The following PRELID2 variants were observed in gnomAD, a reference collection of about 807,000 sequenced individuals.
PRELID2 encodes the protein PRELI domain-containing protein 2.
A neutral mutation model predicts 28.4 loss-of-function variants in PRELID2; 25 were observed. That is an observed-to-expected ratio of 0.88 (90% confidence interval 0.64 to 1.23). PRELID2 has a LOEUF of 1.23. Ranked by LOEUF, PRELID2 falls within the 50% of genes most tolerant of loss-of-function variation. PRELID2 has a pLI of 0.00. For missense variants in PRELID2, 201 were observed against 214.4 expected (o/e 0.94, Z 0.39); for synonymous variants, 76 against 71.6 (o/e 1.06, Z -0.31).
At chr5:145,645,338 C>CTTTTTTTTTTTTTTT (rs35732947) in intron 1 of PRELID2, among the ~76,000 whole-genome samples, 1 of 47,860 alleles carries the variant, frequency 2.1e-5, no homozygotes, top group African/African-American at 1.2e-4. Flanking sequence ...GCAACTCCTG[C>CTTTTTTTTTTTTTTT]TTTTTTTTTT....
At chr5:145,339,090 T>C in the PRELID2 span, among the ~76,000 whole-genome samples, 1 of 152,272 alleles carries the variant, frequency 6.6e-6, no homozygotes. Flanking sequence ...AGAAGAGGCA[T>C]TTTAAAGTGA....
At chr5:145,537,042 A>T (rs1752705621) in intron 1 of PRELID2, among the ~76,000 whole-genome samples, 1 of 151,954 alleles carries the variant, frequency 6.6e-6, no homozygotes, top group South Asian at 2.1e-4. Flanking sequence ...AACAAAGAGA[A>T]GTTTAAAAAT....
chr5:145,642,018 G>C (rs147411899), intron 1 of PRELID2, among the ~76,000 whole-genome samples: 203 of 152,224 alleles, frequency 1.3e-3, no homozygotes, highest in African/African-American at 4.7e-3. Context: ...AAAATCCTTT[G>C]GGTATATATT....
At chr5:145,794,375 G>A (rs1004870919) in intron 5 of PRELID2, among the ~76,000 whole-genome samples, 4 of 152,162 alleles carry the variant, frequency 2.6e-5, no homozygotes, top group Admixed American at 1.3e-4. Context: ...TCCAAAGGGA[G>A]TAAGACCACA....
Position 145,765,099 on chromosome 5 carries a change from C to T in PRELID2, c.475-99G>A, listed in dbSNP as rs1757668090. On this transcript the variant is annotated intron_variant, in intron 5 of 6. Coordinates refer to ENST00000683046, the MANE Select transcript of PRELID2 (RefSeq NM_205846.3). ...TCCCTTCAAAGAATCCAGGTCATGG[C>T]CATATATTCATTTCAACAAAGTAGG... The T allele has an allele frequency of 3.8e-6, 3 of 781,120 alleles. No individual in the cohort carries two copies. The Middle Eastern group carries it at 8.5e-4, about 221-fold the overall frequency. 48.4% of individuals were successfully genotyped at this position (781,120 alleles called of 1,614,324 possible).
the PRELID2 span, among the ~76,000 whole-genome samples, chr5:145,390,929 G>T: frequency 6.6e-6 from 1 of 152,166 alleles, no homozygotes; most frequent in African/African-American, 2.4e-5. Flanking sequence ...AAATCCAATA[G>T]GGCAGCCTTA....
At chr5:145,658,021 G>A (rs994974787) in intron 1 of PRELID2, among the ~76,000 whole-genome samples, 2 of 152,100 alleles carry the variant, frequency 1.3e-5, no homozygotes, top group Admixed American at 1.3e-4. Context: ...AAATCACACA[G>A]TCAGTGTGCT....
intron 1 of PRELID2, among the ~76,000 whole-genome samples, chr5:145,610,650 G>C (rs1405094957): frequency 6.6e-6 from 1 of 152,118 alleles, no homozygotes; most frequent in Admixed American, 6.5e-5. Flanking sequence ...GTACCTAGAT[G>C]TAAAGTGCTG....
the PRELID2 span, among the ~76,000 whole-genome samples, chr5:145,422,537 CAG>C: frequency 6.6e-6 from 1 of 152,018 alleles, no homozygotes; most frequent in African/African-American, 2.4e-5. Flanking sequence ...TCTGTTTTAT[CAG>C]AGACTAGGAT....
the PRELID2 span, among the ~76,000 whole-genome samples, chr5:145,466,440 G>T: frequency 2.0e-5 from 3 of 152,108 alleles, no homozygotes; most frequent in Admixed American, 6.6e-5. Context: ...TTTAAATTAT[G>T]TGCTGGTAAT....
intron 5 of PRELID2, among the ~76,000 whole-genome samples, chr5:145,784,306 G>C (rs1751845638): frequency 6.6e-6 from 1 of 151,502 alleles, no homozygotes; most frequent in Non-Finnish European, 1.5e-5. Context: ...ACTAGTTAAT[G>C]GCAGAATCAT....
At chr5:145,240,077 T>C in the PRELID2 span, among the ~76,000 whole-genome samples, 1 of 152,004 alleles carries the variant, frequency 6.6e-6, no homozygotes, top group East Asian at 1.9e-4. Flanking sequence ...GATAATAGGA[T>C]GAATGAGCAT....
intron 1 of PRELID2, among the ~76,000 whole-genome samples, chr5:145,497,248 T>C (rs1301828369): frequency 6.6e-6 from 1 of 152,210 alleles, no homozygotes; most frequent in African/African-American, 2.4e-5. Flanking sequence ...TCCACTGTGC[T>C]TTTGTAGTAC....
At chr5:145,310,688 T>C in the PRELID2 span, among the ~76,000 whole-genome samples, 5 of 152,298 alleles carry the variant, frequency 3.3e-5, no homozygotes, top group African/African-American at 1.2e-4. Context: ...TTGGTACATA[T>C]CCTCTTATTC....
At chr5:145,252,317 C>A in the PRELID2 span, among the ~76,000 whole-genome samples, 1 of 152,236 alleles carries the variant, frequency 6.6e-6, no homozygotes, top group South Asian at 2.1e-4. Context: ...CGAAAATCTG[C>A]ATAAATAACA....
chr5:145,391,731 C>A, the PRELID2 span, among the ~76,000 whole-genome samples: 3 of 149,392 alleles, frequency 2.0e-5, no homozygotes, highest in African/African-American at 7.4e-5. Context: ...ATTTTTCAAA[C>A]CTTTATGCTC....
chr5:145,420,633 C>G, the PRELID2 span, among the ~76,000 whole-genome samples: 1 of 110,022 alleles, frequency 9.1e-6, no homozygotes, highest in Non-Finnish European at 1.9e-5. Context: ...AGATTTTGGG[C>G]TGAGACAATG....
At chr5:145,282,537 T>C in the PRELID2 span, among the ~76,000 whole-genome samples, 1 of 151,908 alleles carries the variant, frequency 6.6e-6, no homozygotes, top group Non-Finnish European at 1.5e-5. Context: ...TTTTCTTTTT[T>C]GAGACGGAGT....
intron 1 of PRELID2, among the ~76,000 whole-genome samples, chr5:145,495,012 T>A (rs377708384): frequency 6.6e-6 from 1 of 152,208 alleles, no homozygotes; most frequent in South Asian, 2.1e-4. Flanking sequence ...TGTTTGCATT[T>A]TTTAAGTGAT....
Sources: gnomAD v4.1 joint callset for allele counts (sites outside exome capture counted in the v4.1 genomes callset) on GRCh38, gnomAD v4.1.1 for gene constraint, MANE v1.5 for transcripts, NCBI Gene and HGNC (gene_info 2026-07-23, HGNC 2026-07-21) for gene names.